Variants in DGKB observed in about 807,000 individuals in gnomAD.
DGKB encodes the protein 90 kDa diacylglycerol kinase.
Under a neutral mutation model 114.3 loss-of-function variants are expected in DGKB, and 67 were observed. That is an observed-to-expected ratio of 0.59 (90% CI 0.48 to 0.72). The LOEUF (loss-of-function observed/expected upper bound fraction) is 0.72, where lower values mean the gene tolerates loss of function less well. DGKB is among the 30% of genes least tolerant of loss of function. The pLI, the probability that DGKB is intolerant of heterozygous loss-of-function variation, is 0.00. For synonymous variants in DGKB, 398 were observed against 323.1 expected (o/e 1.23, Z -2.49); for missense variants, 907 against 975.2 (o/e 0.93, Z 0.93).
chr7:14,625,064 GATTTC>G (rs1411076523), intron 14 of DGKB, among the ~76,000 whole-genome samples: 1 of 151,936 alleles, frequency 6.6e-6, no homozygotes, highest in Non-Finnish European at 1.5e-5. Flanking sequence ...CAACTTATGA[GATTTC>G]ATTTATGAAA....
intron 23 of DGKB, among the ~76,000 whole-genome samples, chr7:14,268,468 T>C (rs990271462): frequency 2.0e-5 from 3 of 152,206 alleles, no homozygotes; most frequent in African/African-American, 4.8e-5. Context: ...TGCAAGGTTA[T>C]TGATTTAGAA....
At chr7:14,681,064 C>T (rs748696196) in intron 12 of DGKB, among the ~76,000 whole-genome samples, 1 of 151,374 alleles carries the variant, frequency 6.6e-6, no homozygotes, top group African/African-American at 2.4e-5. Flanking sequence ...GAGGAAGCTC[C>T]CTGCAAGGTC....
rs192312654 is a variant in DGKB, at chr7:14,403,239, G to A, written c.1836-57848C>T. 5.6e-3 allele frequency among the ~76,000 whole-genome samples: 846 copies of A among 151,588 alleles called. 5 individuals carry two copies. The highest frequency in any genetic ancestry group is 0.019 in the African/African-American group (783 of 41,314). ...TTAAAAAAAAAAGCCTGATATTCTG[G>A]AACAGGATGTTCTCTCTGTATCAGA... On this transcript the variant is annotated intron_variant, in intron 21 of 25. Transcript: ENST00000402815.
At chr7:14,698,350 C>G (rs138328710) in intron 7 of DGKB, among the ~76,000 whole-genome samples, 181 bp from the exon 8 acceptor site, 2 of 152,018 alleles carry the variant, frequency 1.3e-5, no homozygotes, top group Admixed American at 1.3e-4. Context: ...AAAAAAGAAT[C>G]CTGAATATAA....
chr7:14,852,487 C>CAAAAAAACAAAAACAAACAA (rs1554304213), intron 1 of DGKB, among the ~76,000 whole-genome samples: 813 of 63,618 alleles, frequency 0.013, 115 homozygotes, highest in Non-Finnish European at 0.02. Context: ...TAGTGAAAGT[C>CAAAAAAACAAAAACAAACAA]AAAAAAAAAA....
chr7:14,178,695 C>T (rs931724200), intron 23 of DGKB, among the ~76,000 whole-genome samples: 1 of 152,008 alleles, frequency 6.6e-6, no homozygotes, highest in South Asian at 2.1e-4. Flanking sequence ...GGTAACTGTA[C>T]AGAAGTTCAA....
chr7:14,455,163 G>T (rs1832090944), intron 21 of DGKB, among the ~76,000 whole-genome samples: 1 of 151,986 alleles, frequency 6.6e-6, no homozygotes, highest in African/African-American at 2.4e-5. Flanking sequence ...AGGAAAACTT[G>T]CTTATACCAT....
At chr7:14,475,482 C>T (rs980212784) in intron 21 of DGKB, among the ~76,000 whole-genome samples, 3 of 152,034 alleles carry the variant, frequency 2.0e-5, no homozygotes, top group South Asian at 2.1e-4. Flanking sequence ...AACATACATG[C>T]CTAATTGACG....
intron 22 of DGKB, among the ~76,000 whole-genome samples, chr7:14,344,466 T>C (rs1812144150): frequency 6.6e-6 from 1 of 151,706 alleles, no homozygotes; most frequent in African/African-American, 2.4e-5. Flanking sequence ...GAACTAATGA[T>C]TTAGGTATCA....
intron 21 of DGKB, among the ~76,000 whole-genome samples, chr7:14,432,655 A>G (rs1458573195): frequency 6.6e-6 from 1 of 152,160 alleles, no homozygotes; most frequent in Non-Finnish European, 1.5e-5. Context: ...TTGATCTCTA[A>G]GAGTGGATCC....
chr7:14,291,984 A>G (rs1801843845), intron 23 of DGKB, among the ~76,000 whole-genome samples: 1 of 152,038 alleles, frequency 6.6e-6, no homozygotes, highest in Non-Finnish European at 1.5e-5. Context: ...CCTCCTTTTC[A>G]ATTTTTTTTT....
intron 1 of DGKB, among the ~76,000 whole-genome samples, chr7:14,917,832 T>C (rs965548366): frequency 6.6e-6 from 1 of 151,966 alleles, no homozygotes; most frequent in African/African-American, 2.4e-5. Context: ...CTATAGACAA[T>C]TATATATCAT....
intron 13 of DGKB, among the ~76,000 whole-genome samples, chr7:14,656,438 T>C (rs957844958): frequency 6.6e-6 from 1 of 151,554 alleles, no homozygotes; most frequent in Non-Finnish European, 1.5e-5. Flanking sequence ...ATTGACATTT[T>C]AAATTAATAT....
intron 1 of DGKB, among the ~76,000 whole-genome samples, chr7:14,877,381 C>T (rs568054072): frequency 6.6e-6 from 1 of 152,096 alleles, no homozygotes; most frequent in Non-Finnish European, 1.5e-5. Flanking sequence ...CATGGAGAAA[C>T]CCCGTCTCTA....
intron 23 of DGKB, among the ~76,000 whole-genome samples, chr7:14,232,601 TA>T (rs1792081678): frequency 6.6e-6 from 1 of 151,926 alleles, no homozygotes; most frequent in African/African-American, 2.4e-5. Context: ...GATTCCATCT[TA>T]AACTACCTAG....
intron 21 of DGKB, among the ~76,000 whole-genome samples, chr7:14,373,370 T>C (rs1176287709): frequency 3.9e-5 from 6 of 152,212 alleles, no homozygotes; most frequent in Non-Finnish European, 7.3e-5. Context: ...TTTTTGTTTG[T>C]TTCTATTTGT....
rs146764383 is a variant in DGKB at position 14,884,366 on chromosome 7, A to G, written c.-188+18226T>C. Among the ~76,000 whole-genome samples the G allele has an allele frequency of 7.4e-4, 113 of 152,114 alleles. 1 individual carries two copies. In the East Asian group the frequency reaches 0.021, roughly 28 times the overall value. Reference sequence around the variant, plus strand: ...AAAAAAAGAAAAGGTCCATCCTTGAATGATTGTGAATTTCAGTTCATTCTT... The same window carrying G: ...AAAAAAAGAAAAGGTCCATCCTTGAGTGATTGTGAATTTCAGTTCATTCTT... On this transcript the variant is annotated intron_variant, in intron 1 of 25. Transcript: ENST00000402815.
intron 1 of DGKB, among the ~76,000 whole-genome samples, chr7:14,951,242 G>A (rs979545505): frequency 2.0e-5 from 3 of 151,956 alleles, no homozygotes; most frequent in African/African-American, 7.2e-5. Context: ...ATCCTTCACA[G>A]AAATGTTTCT....
At chr7:14,561,329 C>T (rs565164956) in intron 20 of DGKB, among the ~76,000 whole-genome samples, 1 of 152,194 alleles carries the variant, frequency 6.6e-6, no homozygotes, top group South Asian at 2.1e-4. Flanking sequence ...GTTTATTAAC[C>T]CTATTTTTCT....
Sources: allele counts gnomAD v4.1 joint callset (sites outside exome capture counted in the v4.1 genomes callset), GRCh38; gene constraint gnomAD v4.1.1; transcripts MANE v1.5; gene names NCBI Gene and HGNC (gene_info 2026-07-23, HGNC 2026-07-21).